The following CHN2 variants were observed in gnomAD, a reference collection of about 807,000 sequenced individuals.
The protein encoded by CHN2 is chimerin 2, also known as beta-chimaerin.
A neutral mutation model predicts 56.3 loss-of-function variants in CHN2; 35 were observed. The ratio of observed to expected loss-of-function variants is 0.62; its 90% CI spans 0.47 to 0.82. The LOEUF is 0.82. Ranked by LOEUF, CHN2 falls within the 40% of genes least tolerant of loss-of-function variation. CHN2 has a pLI of 0.00. For missense variants in CHN2, 491 were observed against 580.5 expected (o/e 0.85, Z 1.58); for synonymous variants, 210 against 212.8 (o/e 0.99, Z 0.12).
At chr7:29,416,509 T>C (rs894385805) in intron 6 of CHN2, among the ~76,000 whole-genome samples, 1 of 152,158 alleles carries the variant, frequency 6.6e-6, no homozygotes, top group African/African-American at 2.4e-5. Context: ...GTTCTCAAAT[T>C]TTAGCGTACA....
intron 2 of CHN2, among the ~76,000 whole-genome samples, chr7:29,182,979 G>T (rs985876801): frequency 1.3e-5 from 2 of 152,032 alleles, no homozygotes; most frequent in African/African-American, 4.8e-5. Flanking sequence ...AGATTCTTGG[G>T]TTAAAGAAGG....
At chr7:29,356,579 G>A (rs770014213) in intron 2 of CHN2, among the ~76,000 whole-genome samples, 2 of 152,090 alleles carry the variant, frequency 1.3e-5, no homozygotes, top group South Asian at 2.1e-4. Flanking sequence ...TGTAAAAATG[G>A]CTTGATGCTG....
chr7:29,461,107 T>C (rs1276334208), intron 6 of CHN2, among the ~76,000 whole-genome samples: 4 of 152,226 alleles, frequency 2.6e-5, no homozygotes, highest in Non-Finnish European at 5.9e-5. Context: ...GCCAAAGTAA[T>C]AAATGGCAGG....
chr7:29,463,556 T>C (rs1785332672), intron 6 of CHN2, among the ~76,000 whole-genome samples: 1 of 152,194 alleles, frequency 6.6e-6, no homozygotes, highest in African/African-American at 2.4e-5. Context: ...CTCAGATTGT[T>C]TAAGATGTCA....
intron 6 of CHN2, among the ~76,000 whole-genome samples, chr7:29,408,809 T>C (rs1179486605): frequency 2.6e-5 from 4 of 152,196 alleles, no homozygotes; most frequent in Admixed American, 6.5e-5. Flanking sequence ...AAGAGGAAAG[T>C]CATCCTAATA....
intron 1 of CHN2, among the ~76,000 whole-genome samples, chr7:29,221,115 A>G (rs1785760226): frequency 1.3e-5 from 2 of 152,218 alleles, no homozygotes. Context: ...TTGATGTTAT[A>G]TAACTGCATA....
intron 7 of CHN2, among the ~76,000 whole-genome samples, chr7:29,494,718 C>CT (rs1050563820): frequency 6.6e-6 from 1 of 152,038 alleles, no homozygotes; most frequent in Non-Finnish European, 1.5e-5. Flanking sequence ...ATAAGTTGCT[C>CT]TTTTTTATTT....
At chr7:29,180,811 T>A (rs1037784370) in intron 2 of CHN2, among the ~76,000 whole-genome samples, 37 of 152,292 alleles carry the variant, frequency 2.4e-4, no homozygotes, top group African/African-American at 8.9e-4. Context: ...CTGTGTGATG[T>A]TGGACAAGAC....
At chr7:29,195,931 T>C (rs974284194) in intron 1 of CHN2, among the ~76,000 whole-genome samples, 2 of 152,148 alleles carry the variant, frequency 1.3e-5, no homozygotes, top group African/African-American at 4.8e-5. Flanking sequence ...TCTCTGGTCA[T>C]TGAAAACTTT....
At chr7:29,177,647 T>A (rs900982411) in intron 2 of CHN2, among the ~76,000 whole-genome samples, 1 of 151,842 alleles carries the variant, frequency 6.6e-6, no homozygotes, top group African/African-American at 2.4e-5. Flanking sequence ...TATCTATCTG[T>A]CCATCTATTA....
At chr7:29,332,431 G>A (rs1002102742) in intron 1 of CHN2, among the ~76,000 whole-genome samples, 8 of 152,160 alleles carry the variant, frequency 5.3e-5, no homozygotes, top group Non-Finnish European at 1.2e-4. Flanking sequence ...TTTACTCTAT[G>A]AGGATGCAAA....
chr7:29,200,851 G>C (rs1324755855), intron 1 of CHN2: 7 of 152,198 alleles, frequency 4.6e-5, no homozygotes, highest in Non-Finnish European at 1.5e-5. Context: ...ATGGAACCTA[G>C]GTGGCTGTCC....
chr7:29,157,680 C>T (rs1794597857), intron 2 of CHN2, among the ~76,000 whole-genome samples: 1 of 152,180 alleles, frequency 6.6e-6, no homozygotes, highest in Non-Finnish European at 1.5e-5. Context: ...AATCCTACTC[C>T]CCTTCACCAG....
intron 1 of CHN2, among the ~76,000 whole-genome samples, chr7:29,348,814 A>G (rs530261438): frequency 2.0e-5 from 3 of 152,318 alleles, no homozygotes; most frequent in South Asian, 4.1e-4. Flanking sequence ...TAATTTTTAT[A>G]TAAGCAATAT....
chr7:29,209,322 G>T (rs1029857509), intron 1 of CHN2, among the ~76,000 whole-genome samples: 2 of 152,140 alleles, frequency 1.3e-5, no homozygotes, highest in Admixed American at 6.5e-5. Context: ...ATTCCAAGAC[G>T]CATGGCCTCT....
intron 1 of CHN2, among the ~76,000 whole-genome samples, chr7:29,320,397 C>A (rs574825650): frequency 6.6e-6 from 1 of 152,284 alleles, no homozygotes; most frequent in Non-Finnish European, 1.5e-5. Context: ...CCCTGCAGGT[C>A]TGAATAACAA....
At chr7:29,251,962 C>T (rs1788555755) in intron 1 of CHN2, among the ~76,000 whole-genome samples, 1 of 152,082 alleles carries the variant, frequency 6.6e-6, no homozygotes, top group Non-Finnish European at 1.5e-5. Context: ...CTTACACATG[C>T]TATATATACT....
At chr7:29,509,476 G>A (rs575780900) in intron 12 of CHN2, 70 bp downstream of exon 12, 32 of 1,192,400 alleles carry the variant, frequency 2.7e-5, no homozygotes, top group Middle Eastern at 2.0e-4. Context: ...AAAAGTGGAC[G>A]GCATTCCTCC....
intron 1 of CHN2, 24 bp from the exon 2 acceptor site, chr7:29,354,601 T>G (rs769247216): frequency 6.4e-7 from 1 of 1,571,024 alleles, no homozygotes; most frequent in South Asian, 1.1e-5. Flanking sequence ...TGATGATGGA[T>G]TTCTTTTTTT....
Sources: gnomAD v4.1 joint callset for allele counts (sites outside exome capture counted in the v4.1 genomes callset) on GRCh38, gnomAD v4.1.1 for gene constraint, MANE v1.5 for transcripts, NCBI Gene and HGNC (gene_info 2026-07-23, HGNC 2026-07-21) for gene names.